Variants in ASTN2 observed in about 807,000 individuals in gnomAD.
ASTN2 encodes astrotactin 2.
In ASTN2, 54 loss-of-function variants were observed where a neutral mutation model predicts 139.8. The ratio of observed to expected loss-of-function variants is 0.39; its 90% CI spans 0.31 to 0.48. ASTN2 has a LOEUF of 0.48. ASTN2 is among the 20% of genes least tolerant of loss of function. The pLI is 0.95. For synonymous variants in ASTN2, 756 were observed against 719.5 expected (o/e 1.05, Z -0.81); for missense variants, 1,565 against 1,725.1 (o/e 0.91, Z 1.64).
At chr9:116,914,438 G>T (rs1834389293) in intron 10 of ASTN2, among the ~76,000 whole-genome samples, 1 of 152,010 alleles carries the variant, frequency 6.6e-6, no homozygotes, top group African/African-American at 2.4e-5. Flanking sequence ...TCTAAGCTGA[G>T]CATATCCCAG....
intron 14 of ASTN2, among the ~76,000 whole-genome samples, chr9:116,731,137 G>A (rs1488535261): frequency 6.6e-6 from 1 of 151,064 alleles, no homozygotes; most frequent in Non-Finnish European, 1.5e-5. Flanking sequence ...GGGGATTATG[G>A]TTGGAATGAA....
intron 7 of ASTN2, among the ~76,000 whole-genome samples, chr9:117,002,389 C>T (rs1837215750): frequency 6.6e-6 from 1 of 152,098 alleles, no homozygotes; most frequent in South Asian, 2.1e-4. Context: ...ACGAGTTGAA[C>T]TCTAGTCAGA....
chr9:116,664,241 GGTT>G (rs139348665), intron 16 of ASTN2, among the ~76,000 whole-genome samples: 387 of 151,774 alleles, frequency 2.5e-3, no homozygotes, highest in African/African-American at 9.1e-3. Context: ...CAGTGTTTAA[GGTT>G]TTTTGTTTTT....
chr9:117,022,970 T>C (rs543791346), intron 6 of ASTN2, among the ~76,000 whole-genome samples: 6 of 149,710 alleles, frequency 4.0e-5, no homozygotes, highest in Non-Finnish European at 8.9e-5. Context: ...AGGAAGATAG[T>C]GAAAACAAAT....
intron 6 of ASTN2, among the ~76,000 whole-genome samples, chr9:117,039,173 T>C (rs1178613089): frequency 1.3e-5 from 2 of 152,210 alleles, no homozygotes; most frequent in African/African-American, 4.8e-5. Context: ...AACTTTATCG[T>C]TGCTCATAAG....
chr9:117,353,862 G>C (rs569239767), intron 1 of ASTN2, among the ~76,000 whole-genome samples: 6 of 152,274 alleles, frequency 3.9e-5, no homozygotes, highest in Middle Eastern at 3.4e-3. Context: ...AAACCATGAA[G>C]ACAGCAAAAA....
intron 6 of ASTN2, among the ~76,000 whole-genome samples, chr9:117,033,815 C>T (rs566562175): frequency 6.6e-5 from 10 of 152,000 alleles, no homozygotes; most frequent in Non-Finnish European, 1.3e-4. Flanking sequence ...TTTTCACGTA[C>T]GCAAAATGAG....
chr9:116,509,360 A>G (rs1257206165), intron 19 of ASTN2, among the ~76,000 whole-genome samples: 4 of 152,186 alleles, frequency 2.6e-5, no homozygotes, highest in African/African-American at 9.7e-5. Flanking sequence ...ATGGCTGCAT[A>G]ATATTCCATG....
At chr9:116,454,935 G>A (rs1409987144) in intron 20 of ASTN2, among the ~76,000 whole-genome samples, 2 of 152,002 alleles carry the variant, frequency 1.3e-5, no homozygotes, top group African/African-American at 4.8e-5. Flanking sequence ...TATACCTAAT[G>A]CAAATGAAAA....
At chr9:117,238,752 G>C (rs1588121811) in intron 2 of ASTN2, among the ~76,000 whole-genome samples, 1 of 152,128 alleles carries the variant, frequency 6.6e-6, no homozygotes, top group African/African-American at 2.4e-5. Flanking sequence ...CATGAATGTT[G>C]GTGCCTAGCT....
At chr9:117,287,133 T>G (rs984143872) in intron 2 of ASTN2, among the ~76,000 whole-genome samples, 6 of 152,216 alleles carry the variant, frequency 3.9e-5, no homozygotes, top group Non-Finnish European at 7.3e-5. Context: ...CAGAAAGTTC[T>G]CAGTGGTGGC....
At chr9:117,152,100 A>G (rs1423500883) in intron 3 of ASTN2, among the ~76,000 whole-genome samples, 1 of 152,184 alleles carries the variant, frequency 6.6e-6, no homozygotes, top group Non-Finnish European at 1.5e-5. Context: ...AATCTCCCTC[A>G]AGAATTGTGG....
At chr9:116,933,979 C>CTTTTTTTTGTTTTTTTTTTTT (rs1834987470) in intron 10 of ASTN2, among the ~76,000 whole-genome samples, 1 of 86,910 alleles carries the variant, frequency 1.2e-5, no homozygotes, top group Non-Finnish European at 2.2e-5. Flanking sequence ...AGTGTTAGTC[C>CTTTTTTTTGTTTTTTTTTTTT]TTTTTTTTTT....
At position 116,785,732 on chromosome 9, in the gene ASTN2, A is replaced by G. The variant is rs552447485; in HGVS notation, c.2396+19900T>C. 7.9e-5 allele frequency among the ~76,000 whole-genome samples: 12 copies of G among 152,080 alleles called. No individual in the cohort carries two copies. The East Asian group carries it at 2.1e-3, about 27-fold the overall frequency. ...TAGTTGTCCCACCTTCAGAATACAT[A>G]CAGAATCTGCCCACCTCTCTCCATG... On this transcript the variant is annotated intron_variant, in intron 13 of 22. Coordinates refer to ENST00000313400, the MANE Select transcript of ASTN2 (RefSeq NM_001365068.1).
At position 116,537,805 on chromosome 9, in the gene ASTN2, G is replaced by C. The variant is rs548612258; in HGVS notation, c.3356-50305C>G. On this transcript the variant is annotated intron_variant, in intron 19 of 22. Coordinates refer to ENST00000313400, the MANE Select transcript of ASTN2 (RefSeq NM_001365068.1). The stretch of plus-strand genomic sequence containing the variant: ...TCAAACCTCTAGAGATAGGTACTAA[G>C]AGTAATGGTAGTGATTCAAACCAGA... 1.4e-4 allele frequency among the ~76,000 whole-genome samples: 21 copies of C among 152,290 alleles called. 1 individual carries two copies. The highest frequency in any genetic ancestry group is 5.1e-4 in the African/African-American group (21 of 41,568).
chr9:117,167,669 T>A (rs1284599136), intron 3 of ASTN2, among the ~76,000 whole-genome samples: 1 of 152,102 alleles, frequency 6.6e-6, no homozygotes, highest in Non-Finnish European at 1.5e-5. Flanking sequence ...TAGTACATTA[T>A]CAAGCATCTA....
rs867796017 is a variant in ASTN2, at chr9:117,208,331, A to G, written c.1015+6027T>C. On this transcript the variant is annotated intron_variant, in intron 3 of 22. Transcript: ENST00000313400. ...TACCATAAAAAAGAACCAAACAGGA[A>G]CAAAGAGCTAAAGAATTCAATGAAG... 2.5e-4 allele frequency among the ~76,000 whole-genome samples: 38 copies of G among 152,238 alleles called. 1 individual carries two copies. Among genetic ancestry groups the G allele is most frequent in the African/African-American group, 8.9e-4 (37 of 41,568 alleles).
intron 19 of ASTN2, among the ~76,000 whole-genome samples, chr9:116,510,689 T>C (rs1468390255): frequency 6.6e-6 from 1 of 152,222 alleles, no homozygotes; most frequent in Non-Finnish European, 1.5e-5. Flanking sequence ...GAGCAGTGGT[T>C]TGCAGTTCTC....
At chr9:116,562,107 A>G (rs557689049) in intron 19 of ASTN2, 24 of 152,374 alleles carry the variant, frequency 1.6e-4, no homozygotes, top group African/African-American at 5.8e-4. Flanking sequence ...AGATGGGAGA[A>G]TCCCAACAAA....
Sources: gnomAD v4.1 joint callset for allele counts (sites outside exome capture counted in the v4.1 genomes callset) on GRCh38, gnomAD v4.1.1 for gene constraint, MANE v1.5 for transcripts, NCBI Gene and HGNC (gene_info 2026-07-23, HGNC 2026-07-21) for gene names.